GIGYF2: variants seen among roughly 807,000 people sequenced by gnomAD.
The protein encoded by GIGYF2 is GRB10 interacting GYF protein 2, also known as GRB10-interacting GYF protein 2.
In GIGYF2, 25 loss-of-function variants were observed where a neutral mutation model predicts 208.1. The observed-to-expected ratio is 0.12, with a 90% CI of 0.09 to 0.17. The LOEUF (loss-of-function observed/expected upper bound fraction) is 0.17. GIGYF2 is among the 10% of genes least tolerant of loss of function. GIGYF2 has a pLI of 1.00. For synonymous variants in GIGYF2, 534 were observed against 543.8 expected, an observed-to-expected ratio of 0.98 and a Z score of 0.25; for missense variants, 1,302 against 1,579.4, an observed-to-expected ratio of 0.82 and a Z score of 2.98.
intron 2 of GIGYF2, among the ~76,000 whole-genome samples, chr2:232,711,705 G>GTGTGTATATA (rs147184549): frequency 8.6e-6 from 1 of 115,762 alleles, no homozygotes; most frequent in African/African-American, 3.2e-5. Flanking sequence ...TCACAATGAT[G>GTGTGTATATA]TATATATATA....
chr2:232,816,977 A>G lies in GIGYF2; in HGVS notation c.2315A>G (p.Gln772Arg). The change falls in exon 20 of 29, where the codon CAG (glutamine) becomes CGG (arginine). Residue 772 changes from glutamine to arginine, a missense_variant. Physicochemically the swap from Gln to Arg is conservative, Grantham distance 43 (BLOSUM62 1). Coordinates refer to ENST00000373563, the MANE Select transcript of GIGYF2 (RefSeq NM_001103146.3). ...RRQQEEILRR[Q>R]QEEERKRREE... is the part of the protein sequence containing the mutation. ...CAACAGGAGGAAATTCTTCGGCGAC[A>G]GCAGGAAGAAGAAAGGAAAAGGCGA... The G allele has an allele frequency of 6.2e-7, 1 of 1,613,212 alleles. No individual in the cohort carries two copies. The highest frequency in any genetic ancestry group is 8.5e-7 in the Non-Finnish European group (1 of 1,179,148).
rs141221202 is a variant in GIGYF2 at position 232,768,746 on chromosome 2, T to C, written c.532+7310T>C. 2.5e-6 allele frequency: 4 copies of C among 1,601,478 alleles called. No individual in the cohort carries two copies. The African/African-American group carries it at 5.4e-5, about 21-fold the overall frequency. ...GTTTGCCATCCATGTGAGCTACTAC[T>C]GCTGTGTCAGTAAAGCGAATTGAAA... is the stretch of plus-strand genomic sequence containing the variant. On this transcript the variant is annotated intron_variant, in intron 8 of 28. Transcript: ENST00000373563.
At chr2:232,828,094 A>G (rs1701304995) in intron 21 of GIGYF2, among the ~76,000 whole-genome samples, 1 of 151,882 alleles carries the variant, frequency 6.6e-6, no homozygotes, top group African/African-American at 2.4e-5. Flanking sequence ...GGCTCAGGTG[A>G]TCCTCTCACC....
intron 8 of GIGYF2, among the ~76,000 whole-genome samples, chr2:232,773,952 G>T (rs1473433892): frequency 4.9e-5 from 7 of 142,324 alleles, no homozygotes; most frequent in African/African-American, 1.8e-4. Context: ...AAGTTTCACA[G>T]TAATAAGTAT....
intron 2 of GIGYF2, among the ~76,000 whole-genome samples, chr2:232,716,545 A>G (rs1204777057): frequency 2.0e-5 from 3 of 151,686 alleles, no homozygotes; most frequent in Admixed American, 6.6e-5. Context: ...ACACCTGGCT[A>G]ATTTCTTTTT....
intron 2 of GIGYF2, chr2:232,729,526 G>T: frequency 1.5e-6 from 2 of 1,297,164 alleles, no homozygotes; most frequent in South Asian, 1.6e-5. Context: ...ATGGATTTTA[G>T]ATTTTGTTGA....
chr2:232,731,368 G>A (rs1697488445), intron 2 of GIGYF2: 1 of 152,176 alleles, frequency 6.6e-6, no homozygotes. Flanking sequence ...AATTCAGTCT[G>A]ATTTAAATCC....
chr2:232,851,171 A>G (rs531900975), intron 28 of GIGYF2, among the ~76,000 whole-genome samples: 4 of 152,206 alleles, frequency 2.6e-5, no homozygotes, highest in Non-Finnish European at 4.4e-5. Flanking sequence ...AAATTTTAAA[A>G]ACAGGCATGG....
intron 8 of GIGYF2, among the ~76,000 whole-genome samples, chr2:232,777,162 T>C (rs1699549836): frequency 6.6e-6 from 1 of 152,126 alleles, no homozygotes; most frequent in Admixed American, 6.5e-5. Flanking sequence ...AGGAATAAAA[T>C]TAATTGTTCT....
chr2:232,781,515 A>G (rs533652470), intron 8 of GIGYF2, among the ~76,000 whole-genome samples: 1 of 152,296 alleles, frequency 6.6e-6, no homozygotes, highest in African/African-American at 2.4e-5. Context: ...GTCACCTTCT[A>G]AATAATTTCT....
At chr2:232,753,103 A>G (rs1230983380) in intron 5 of GIGYF2, among the ~76,000 whole-genome samples, 1 of 121,030 alleles carries the variant, frequency 8.3e-6, no homozygotes, top group Non-Finnish European at 1.7e-5. Flanking sequence ...GACAGTATTT[A>G]TTTATTTATT....
chr2:232,826,006 C>T lies in GIGYF2; in HGVS notation c.2529+6021C>T, dbSNP rs376571009. Reference sequence around the variant, plus strand: ...TGCTTAGAATGATGATTTCCAGCTTCATCCATGTCCCTGCAAAGGACATGA... The same window carrying T: ...TGCTTAGAATGATGATTTCCAGCTTTATCCATGTCCCTGCAAAGGACATGA... On this transcript the variant is annotated intron_variant, in intron 21 of 28. Coordinates refer to ENST00000373563, the MANE Select transcript of GIGYF2 (RefSeq NM_001103146.3). 5.3e-5 allele frequency among the ~76,000 whole-genome samples: 8 copies of T among 152,286 alleles called. No individual in the cohort carries two copies. In the South Asian group the frequency reaches 1.7e-3, roughly 32 times the overall value.
Position 232,710,245 on chromosome 2 carries a change from C to T in GIGYF2, c.-44+6756C>T, listed in dbSNP as rs542065776. Reference sequence around the variant, plus strand: ...AAGTGCTGGGATTACAGGTGTGAGCCACCGCGCCTGGCCTAAAAAGTTATT... The same window carrying T: ...AAGTGCTGGGATTACAGGTGTGAGCTACCGCGCCTGGCCTAAAAAGTTATT... On this transcript the variant is annotated intron_variant, in intron 2 of 28. Coordinates refer to ENST00000373563, the MANE Select transcript of GIGYF2 (RefSeq NM_001103146.3). Among the ~76,000 whole-genome samples, 172 of 152,196 alleles carry T rather than the reference C, an allele frequency of 1.1e-3. 1 individual carries two copies. Among genetic ancestry groups the T allele is most frequent in the African/African-American group, 4.0e-3 (165 of 41,534 alleles).
chr2:232,705,455 C>T (rs1696052747), intron 2 of GIGYF2: 3 of 152,182 alleles, frequency 2.0e-5, no homozygotes, highest in Non-Finnish European at 4.4e-5. Context: ...GCTGCCGAGG[C>T]TGGAGCACAA....
At position 232,715,863 on chromosome 2, in the gene GIGYF2, T is replaced by TGGGGG. The variant is rs1696654519; in HGVS notation, c.-44+12374_-44+12375insGGGGG. ...CCTTAAAATTCGTCTTAAACCAAGT[T>TGGGGG]AAAGTTGAAATGAGTGATAACTTTT... On this transcript the variant is annotated intron_variant, in intron 2 of 28. Coordinates refer to ENST00000373563, the MANE Select transcript of GIGYF2 (RefSeq NM_001103146.3). Among the ~76,000 whole-genome samples the TGGGGG allele has an allele frequency of 2.0e-5, 3 of 151,638 alleles. No individual in the cohort carries two copies. In the South Asian group the frequency reaches 6.3e-4, roughly 32 times the overall value.
intron 2 of GIGYF2, among the ~76,000 whole-genome samples, chr2:232,726,283 C>T (rs553823878): frequency 4.0e-5 from 6 of 150,770 alleles, no homozygotes; most frequent in African/African-American, 9.8e-5. Context: ...GCAGAAGACT[C>T]GCTTGAACCT....
At chr2:232,852,275 G>A (rs534067231) in intron 28 of GIGYF2, among the ~76,000 whole-genome samples, 15 of 152,342 alleles carry the variant, frequency 9.8e-5, no homozygotes, top group African/African-American at 3.4e-4. Context: ...GCCAGACGCG[G>A]TGACTCACGC....
rs1443706602 is a variant in GIGYF2 at position 232,806,633 on chromosome 2, A to G, written c.1782A>G (p.Pro594=). The G allele has an allele frequency of 1.9e-6, 3 of 1,612,968 alleles. 1 individual carries two copies. The highest frequency in any genetic ancestry group is 2.5e-6 in the Non-Finnish European group (3 of 1,178,930). Residue 594 remains proline, a synonymous_variant, in exon 15 of 29, where the codon CCA becomes CCG. Transcript: ENST00000373563. The surrounding 1 kb of genome is among the most constrained non-coding windows in gnomAD (Gnocchi z 4.0). ...MKMWGRVPFS[P]GPAPPPHMGE... ...TGTGGGGAAGGGTTCCCTTTTCTCC[A>G]GGTCCAGCTCCCCCTCCTCATATGG...
intron 2 of GIGYF2, among the ~76,000 whole-genome samples, chr2:232,714,434 A>G (rs1045607073): frequency 2.0e-5 from 3 of 152,114 alleles, no homozygotes; most frequent in Non-Finnish European, 2.9e-5. Flanking sequence ...AAAAAATATT[A>G]AAGCTTAGTC....
Sources: allele counts gnomAD v4.1 joint callset (sites outside exome capture counted in the v4.1 genomes callset), GRCh38; gene constraint gnomAD v4.1.1; non-coding constraint Gnocchi (gnomAD v3.1); transcripts MANE v1.5; gene names NCBI Gene and HGNC (gene_info 2026-07-23, HGNC 2026-07-21).